The following KCNK2 variants were observed in gnomAD, a reference collection of about 807,000 sequenced individuals.
The protein encoded by KCNK2 is potassium channel subfamily K member 2.
In KCNK2, 21 loss-of-function variants were observed where a neutral mutation model predicts 40.5. The ratio of observed to expected loss-of-function variants is 0.52; its 90% CI spans 0.37 to 0.75. The LOEUF is 0.75. Among genes scored for constraint, KCNK2 ranks in the 30% least tolerant of loss-of-function variants. The pLI is 0.00. For missense variants in KCNK2, 399 were observed against 531.6 expected, an observed-to-expected ratio of 0.75 and a Z score of 2.45; for synonymous variants, 191 against 202.2, an observed-to-expected ratio of 0.94 and a Z score of 0.47.
At chr1:215,165,771 G>T (rs573573098) in intron 3 of KCNK2, among the ~76,000 whole-genome samples, 2 of 151,958 alleles carry the variant, frequency 1.3e-5, no homozygotes, top group Admixed American at 6.6e-5. Context: ...ACTAGGTTTT[G>T]TCTTGACTGA....
chr1:215,163,316 G>T (rs930907705), intron 3 of KCNK2, among the ~76,000 whole-genome samples: 5 of 152,112 alleles, frequency 3.3e-5, no homozygotes, highest in African/African-American at 1.2e-4. Context: ...AGGAGATTTT[G>T]GGCTGAGACG....
chr1:215,076,455 G>A (rs944518243), intron 1 of KCNK2, among the ~76,000 whole-genome samples: 3 of 152,132 alleles, frequency 2.0e-5, no homozygotes, highest in African/African-American at 7.2e-5. Context: ...AGGCTTGACT[G>A]GAGAAGGACC....
chr1:215,015,159 T>G (rs1286289188), intron 1 of KCNK2, among the ~76,000 whole-genome samples: 1 of 152,172 alleles, frequency 6.6e-6, no homozygotes, highest in African/African-American at 2.4e-5. Flanking sequence ...TTAACTAGTT[T>G]AAAGCTCCTT....
chr1:215,084,784 A>C (rs558194330), intron 1 of KCNK2, among the ~76,000 whole-genome samples: 6 of 152,320 alleles, frequency 3.9e-5, no homozygotes, highest in Admixed American at 6.5e-5. Context: ...GTAATAAGCT[A>C]TATGTACATG....
intron 5 of KCNK2, among the ~76,000 whole-genome samples, chr1:215,186,278 G>A (rs537109360): frequency 1.3e-5 from 2 of 152,144 alleles, no homozygotes; most frequent in South Asian, 2.1e-4. Flanking sequence ...GTACATGGTG[G>A]CATGCAGCTG....
chr1:215,047,024 A>G (rs146887062), intron 1 of KCNK2, among the ~76,000 whole-genome samples: 1,890 of 152,222 alleles, frequency 0.012, 34 homozygotes, highest in Non-Finnish European at 0.016. Flanking sequence ...ACAACTTCTT[A>G]GAGTCTGGAA....
chr1:215,136,262 A>T (rs1661906178), intron 3 of KCNK2, among the ~76,000 whole-genome samples: 1 of 151,504 alleles, frequency 6.6e-6, no homozygotes, highest in Non-Finnish European at 1.5e-5. Context: ...TGTCCAGCTA[A>T]TTTTTTATAT....
At chr1:215,088,635 A>T (rs1659561675) in intron 2 of KCNK2, among the ~76,000 whole-genome samples, 1 of 151,810 alleles carries the variant, frequency 6.6e-6, no homozygotes, top group Non-Finnish European at 1.5e-5. Flanking sequence ...ATTATGTGTG[A>T]ATTTGAAAAT....
At chr1:215,209,278 A>G (rs1426212802) in intron 6 of KCNK2, among the ~76,000 whole-genome samples, 1 of 110,372 alleles carries the variant, frequency 9.1e-6, no homozygotes, top group Non-Finnish European at 1.7e-5. Flanking sequence ...ATATAAATAT[A>G]CACATATTTT....
chr1:215,055,025 G>T (rs907662196), intron 1 of KCNK2, among the ~76,000 whole-genome samples: 6 of 152,158 alleles, frequency 3.9e-5, no homozygotes, highest in African/African-American at 1.4e-4. Context: ...GGATCAGATG[G>T]ATTGCTTATT....
At chr1:215,230,984 C>T (rs903130598) in intron 6 of KCNK2, among the ~76,000 whole-genome samples, 2 of 152,066 alleles carry the variant, frequency 1.3e-5, no homozygotes, top group Admixed American at 1.3e-4. Context: ...TGCATTCAGC[C>T]TTTTCCTAAT....
chr1:215,033,855 T>G (rs1657290796), intron 1 of KCNK2, among the ~76,000 whole-genome samples: 1 of 152,212 alleles, frequency 6.6e-6, no homozygotes, highest in African/African-American at 2.4e-5. Flanking sequence ...CTTTTCCCTG[T>G]CTGAAGCATG....
At chr1:215,087,482 G>C (rs558543328) in intron 2 of KCNK2, among the ~76,000 whole-genome samples, 1 of 152,322 alleles carries the variant, frequency 6.6e-6, no homozygotes, top group East Asian at 1.9e-4. Flanking sequence ...TCTGGTTTTT[G>C]TAGATTTCTT....
At chr1:215,173,927 T>C (rs1416947005) in intron 5 of KCNK2, among the ~76,000 whole-genome samples, 2 of 152,246 alleles carry the variant, frequency 1.3e-5, no homozygotes, top group African/African-American at 4.8e-5. Flanking sequence ...GGTTGCCTGT[T>C]CACTCTGATG....
At chr1:215,216,188 T>C (rs912025567) in intron 6 of KCNK2, among the ~76,000 whole-genome samples, 1 of 152,066 alleles carries the variant, frequency 6.6e-6, no homozygotes, top group Non-Finnish European at 1.5e-5. Flanking sequence ...TGATTTTGCA[T>C]TGTTTTCCAA....
At chr1:215,023,489 T>G (rs1397650616) in intron 1 of KCNK2, among the ~76,000 whole-genome samples, 1 of 152,208 alleles carries the variant, frequency 6.6e-6, no homozygotes, top group Non-Finnish European at 1.5e-5. Flanking sequence ...TTAAAGCAGT[T>G]ACAGCATGGA....
chr1:215,215,337 T>C (rs1176108981), intron 6 of KCNK2, among the ~76,000 whole-genome samples: 1 of 152,016 alleles, frequency 6.6e-6, no homozygotes, highest in African/African-American at 2.4e-5. Context: ...CTTTATTACT[T>C]GATGTAATAC....
At chr1:215,096,057 G>A (rs985715370) in intron 2 of KCNK2, among the ~76,000 whole-genome samples, 2 of 152,026 alleles carry the variant, frequency 1.3e-5, no homozygotes, top group Admixed American at 1.3e-4. Flanking sequence ...TGGATTATAC[G>A]ACTTTTATCC....
intron 5 of KCNK2, among the ~76,000 whole-genome samples, chr1:215,176,603 C>T (rs1663986021): frequency 6.6e-6 from 1 of 152,118 alleles, no homozygotes; most frequent in Non-Finnish European, 1.5e-5. Context: ...GTTTTCTGTT[C>T]TTGTGTTAGT....
Sources: allele counts gnomAD v4.1 joint callset (sites outside exome capture counted in the v4.1 genomes callset), GRCh38; gene constraint gnomAD v4.1.1; transcripts MANE v1.5; gene names NCBI Gene and HGNC (gene_info 2026-07-23, HGNC 2026-07-21).